The following GRIP2 variants were observed in gnomAD, a reference collection of about 807,000 sequenced individuals.
GRIP2 encodes the protein glutamate receptor-interacting protein 2.
Under a neutral mutation model 108.3 loss-of-function variants are expected in GRIP2, and 58 were observed. That is an observed-to-expected ratio of 0.54 (90% confidence interval 0.43 to 0.67). GRIP2 has a LOEUF of 0.67. GRIP2 is among the 30% of genes least tolerant of loss of function. GRIP2 has a pLI of 0.00. For missense variants in GRIP2, 1,278 were observed against 1,430.6 expected, an observed-to-expected ratio of 0.89 and a Z score of 1.72; for synonymous variants, 586 against 598.2, an observed-to-expected ratio of 0.98 and a Z score of 0.30.
chr3:14,551,471 A>T (rs1695148138), intron 1 of GRIP2, among the ~76,000 whole-genome samples: 1 of 152,162 alleles, frequency 6.6e-6, no homozygotes, highest in African/African-American at 2.4e-5. Context: ...TGCAACAGGG[A>T]CATACAGAGG....
the GRIP2 span, chr3:14,573,790 G>T: frequency 6.5e-7 from 1 of 1,548,550 alleles, no homozygotes. Context: ...GAGCCAAACT[G>T]TCTCTTGTGG....
chr3:14,500,458 T>C (rs543811532), intron 21 of GRIP2, among the ~76,000 whole-genome samples: 3 of 152,136 alleles, frequency 2.0e-5, no homozygotes, highest in Non-Finnish European at 2.9e-5. Context: ...GAGCCAGCCA[T>C]CACAGAGAAA....
chr3:14,529,574 C>T (rs1323820592), intron 1 of GRIP2, among the ~76,000 whole-genome samples: 2 of 152,154 alleles, frequency 1.3e-5, no homozygotes, highest in African/African-American at 4.8e-5. Flanking sequence ...TCCAACAGTA[C>T]ATTTATGGCT....
rs192789268 is a variant in GRIP2, at chr3:14,502,463, C to T, written c.2679+1103G>A. ...GAGCCGAGATTGCACCACTGTACTC[C>T]AGCCTGGGTGACAGAGTGAGACTCT... On this transcript the variant is annotated intron_variant, in intron 21 of 23. Transcript: ENST00000621039. Among the ~76,000 whole-genome samples the T allele has an allele frequency of 7.3e-5, 11 of 150,582 alleles. No homozygotes were observed. The East Asian group carries it at 1.2e-3, about 16-fold the overall frequency.
the GRIP2 span, among the ~76,000 whole-genome samples, chr3:14,591,525 G>A: frequency 2.0e-4 from 30 of 152,222 alleles, no homozygotes; most frequent in South Asian, 5.6e-3. Context: ...TAAATGAAAT[G>A]ATATAAAAGA....
intron 22 of GRIP2, among the ~76,000 whole-genome samples, chr3:14,496,142 C>T (rs1336972408): frequency 8.6e-5 from 13 of 151,902 alleles, no homozygotes; most frequent in African/African-American, 3.1e-4. Context: ...GAGACCCTGT[C>T]TCAAAAAAAT....
chr3:14,571,369 A>G, the GRIP2 span, among the ~76,000 whole-genome samples: 1 of 152,046 alleles, frequency 6.6e-6, no homozygotes, highest in Non-Finnish European at 1.5e-5. Flanking sequence ...CATGGCTGTC[A>G]CTGAGGCACA....
chr3:14,495,381 A>C (rs1461365038), intron 22 of GRIP2, among the ~76,000 whole-genome samples: 1 of 151,778 alleles, frequency 6.6e-6, no homozygotes, highest in African/African-American at 2.4e-5. Flanking sequence ...GTCCTCCTCC[A>C]TATCTTTTTT....
At chr3:14,549,684 C>G (rs1295402700) in intron 1 of GRIP2, among the ~76,000 whole-genome samples, 2 of 152,204 alleles carry the variant, frequency 1.3e-5, no homozygotes, top group Non-Finnish European at 2.9e-5. Context: ...TGGCCCCCAG[C>G]TGGCACTCTA....
the GRIP2 span, among the ~76,000 whole-genome samples, chr3:14,562,043 A>G: frequency 6.6e-6 from 1 of 152,252 alleles, no homozygotes; most frequent in Admixed American, 6.5e-5. Flanking sequence ...GATGTAACAG[A>G]TAAGTAAAGG....
At chr3:14,517,731 G>T (rs767231401) in intron 10 of GRIP2, 41 bp downstream of exon 10, 5 of 1,605,230 alleles carry the variant, frequency 3.1e-6, no homozygotes, top group African/African-American at 1.3e-5. Context: ...CCTAGGAAAG[G>T]CTACAAGACT....
At chr3:14,530,736 G>A (rs1207165067) in intron 1 of GRIP2, among the ~76,000 whole-genome samples, 3 of 151,930 alleles carry the variant, frequency 2.0e-5, no homozygotes, top group Non-Finnish European at 4.4e-5. Flanking sequence ...AATTCTTGTG[G>A]GTATGTAGTA....
At chr3:14,595,629 T>C in the GRIP2 span, among the ~76,000 whole-genome samples, 1 of 152,250 alleles carries the variant, frequency 6.6e-6, no homozygotes, top group Non-Finnish European at 1.5e-5. Context: ...GCTCAGGCAC[T>C]GTCTGAGACA....
the GRIP2 span, chr3:14,574,577 T>A: frequency 2.8e-6 from 2 of 726,464 alleles, no homozygotes; most frequent in Non-Finnish European, 2.6e-6. Flanking sequence ...ACTCAAAAAC[T>A]TCGTCCGGGT....
chr3:14,524,179 A>G, intron 4 of GRIP2: 1 of 592,370 alleles, frequency 1.7e-6, no homozygotes. Context: ...AATATGTAAA[A>G]TGACATTGGC....
chr3:14,599,907 A>G, the GRIP2 span, among the ~76,000 whole-genome samples: 28,662 of 151,982 alleles, frequency 0.19, 2,912 homozygotes, highest in Middle Eastern at 0.33. Flanking sequence ...CAAAAACGTA[A>G]TAAAGCAAGA....
chr3:14,542,191 T>C (rs957695767), upstream of GRIP2: 5 of 631,106 alleles, frequency 7.9e-6, no homozygotes, highest in South Asian at 6.0e-5. Flanking sequence ...CGTCTCACTC[T>C]GTCACCTGGG....
intron 1 of GRIP2, among the ~76,000 whole-genome samples, chr3:14,530,231 G>A (rs976492625): frequency 2.0e-5 from 3 of 150,646 alleles, no homozygotes; most frequent in South Asian, 4.2e-4. Context: ...GCTTTATGCC[G>A]GGGTCTCAGT....
Position 14,514,470 on chromosome 3 carries a change from C to T in GRIP2, c.1315G>A (p.Ala439Thr), listed in dbSNP as rs1347648099. ...CCGCCCGGCCCCACCGTGCTGGAGGCTAGCGACACTGTAGGACAGGTGGGC... is the reference window on the plus strand; with the variant it reads ...CCGCCCGGCCCCACCGTGCTGGAGGTTAGCGACACTGTAGGACAGGTGGGC... ...RREHKSSLSL[A>T]SSTVGPGGQI... Residue 439 changes from alanine to threonine, a missense_variant, in exon 12 of 24, where the codon GCC becomes ACC. Physicochemically the swap from Ala to Thr is moderately conservative, Grantham distance 58. Coordinates refer to ENST00000621039, the MANE Select transcript of GRIP2 (RefSeq NM_001080423.4). The T allele has an allele frequency of 6.4e-7, 1 of 1,570,656 alleles. No individual in the cohort carries two copies. Among genetic ancestry groups the T allele is most frequent in the Admixed American group, 1.8e-5 (1 of 54,156 alleles).
Sources: gnomAD v4.1 joint callset for allele counts (sites outside exome capture counted in the v4.1 genomes callset) on GRCh38, gnomAD v4.1.1 for gene constraint, MANE v1.5 for transcripts, NCBI Gene and HGNC (gene_info 2026-07-23, HGNC 2026-07-21) for gene names.